The following SERPINE2 variants were observed in gnomAD, a reference collection of about 807,000 sequenced individuals.
SERPINE2 encodes glia-derived nexin.
A neutral mutation model predicts 36.3 loss-of-function variants in SERPINE2; 14 were observed. That is an observed-to-expected ratio of 0.39 (90% CI 0.25 to 0.60). The LOEUF is 0.60. SERPINE2 is among the 20% of genes least tolerant of loss of function. SERPINE2 has a pLI of 0.57. For synonymous variants in SERPINE2, 192 were observed against 191.8 expected, an observed-to-expected ratio of 1.00 and a Z score of -0.01; for missense variants, 418 against 499.6, an observed-to-expected ratio of 0.84 and a Z score of 1.56.
chr2:224,033,281 G>C (rs1210253526), intron 1 of SERPINE2, among the ~76,000 whole-genome samples: 1 of 152,162 alleles, frequency 6.6e-6, no homozygotes, highest in Non-Finnish European at 1.5e-5. Flanking sequence ...AATGCTCTAA[G>C]TGGGAATACA....
At position 223,984,228 on chromosome 2, in the gene SERPINE2, GTTAC is replaced by G. The variant is rs1690340977; in HGVS notation, c.884+520_884+523del. ...CATGAAGATTCATACAGGATTTGGG[GTTAC>G]TTTTCCCATGGCTTCAAGTCATAAC... On this transcript the variant is annotated intron_variant, in intron 5 of 8. Transcript: ENST00000409304. Among the ~76,000 whole-genome samples, 3 of 152,260 alleles carry G rather than the reference GTTAC, an allele frequency of 2.0e-5. No homozygotes were observed. In the South Asian group the frequency reaches 6.2e-4, roughly 32 times the overall value.
chr2:224,009,240 C>T (rs922184643), intron 1 of SERPINE2, among the ~76,000 whole-genome samples: 2 of 152,124 alleles, frequency 1.3e-5, no homozygotes, highest in African/African-American at 4.8e-5. Flanking sequence ...GGGAAAGTCT[C>T]GCCATCCTTC....
chr2:223,989,163 TAATAG>T (rs1217983566), intron 4 of SERPINE2, among the ~76,000 whole-genome samples: 1 of 152,224 alleles, frequency 6.6e-6, no homozygotes, highest in African/African-American at 2.4e-5. Context: ...CTCTTTTTCT[TAATAG>T]AAAAGTTTCT....
chr2:224,038,701 G>T, intron 1 of SERPINE2: 2 of 614,494 alleles, frequency 3.3e-6, no homozygotes, highest in South Asian at 2.0e-5. Flanking sequence ...CGGGGTAGGG[G>T]TTGCCGGCGA....
intron 4 of SERPINE2, among the ~76,000 whole-genome samples, chr2:223,989,630 C>T (rs988524079): frequency 2.0e-5 from 3 of 152,312 alleles, no homozygotes; most frequent in Admixed American, 6.5e-5. Flanking sequence ...GAACTTATGA[C>T]ACTCTCATGC....
intron 1 of SERPINE2, among the ~76,000 whole-genome samples, chr2:224,005,056 TTATATATATTA>T (rs1382140897): frequency 1.0e-4 from 1 of 9,726 alleles, no homozygotes; most frequent in East Asian, 1.4e-3. Context: ...TTTATATATT[TTATATATATTA>T]TATATATATA....
intron 4 of SERPINE2, among the ~76,000 whole-genome samples, chr2:223,985,643 C>T (rs184022974): frequency 7.2e-5 from 11 of 152,264 alleles, no homozygotes; most frequent in Admixed American, 3.3e-4. Flanking sequence ...CAGCACCTCA[C>T]GGGGTAGGCG....
intron 1 of SERPINE2, among the ~76,000 whole-genome samples, chr2:224,010,959 A>G (rs927714362): frequency 1.3e-5 from 2 of 152,202 alleles, no homozygotes; most frequent in African/African-American, 4.8e-5. Context: ...TAGACTATTT[A>G]AGACTCAGAA....
intron 4 of SERPINE2, among the ~76,000 whole-genome samples, chr2:223,985,637 A>G (rs2106141420): frequency 6.6e-6 from 1 of 152,292 alleles, no homozygotes; most frequent in South Asian, 2.1e-4. Flanking sequence ...GATCTACAGC[A>G]CCTCACGGGG....
chr2:223,980,542 T>C, intron 6 of SERPINE2, 145 bp from the exon 7 acceptor site: 1 of 649,500 alleles, frequency 1.5e-6, no homozygotes, highest in Non-Finnish European at 2.7e-6. Flanking sequence ...GTCCTGGTGT[T>C]GAAGGCTGCA....
At chr2:223,983,204 T>C (rs1177513698) in intron 5 of SERPINE2, among the ~76,000 whole-genome samples, 1 of 152,242 alleles carries the variant, frequency 6.6e-6, no homozygotes, top group Non-Finnish European at 1.5e-5. Flanking sequence ...GCCATCCTTA[T>C]TGGGATTGGA....
At chr2:224,028,138 T>G (rs1039355521) in intron 1 of SERPINE2, among the ~76,000 whole-genome samples, 1 of 152,172 alleles carries the variant, frequency 6.6e-6, no homozygotes, top group Non-Finnish European at 1.5e-5. Context: ...GTCATCAAAC[T>G]GTACCCAGAC....
chr2:224,001,916 G>C lies in SERPINE2; in HGVS notation c.-16C>G. 2 of 1,603,554 alleles carry C rather than the reference G, an allele frequency of 1.2e-6. No individual in the cohort carries two copies. The highest frequency in any genetic ancestry group is 1.7e-6 in the Non-Finnish European group (2 of 1,172,788). On this transcript the variant is annotated 5_prime_UTR_variant, in exon 2 of 9. Transcript: ENST00000409304. ...GCCAGTTCATGGTTCCTTCCACCAA[G>C]GACGACCTGGAAAAGTAAGTTAAAA...
chr2:224,010,509 G>T, intron 1 of SERPINE2: 1 of 237,250 alleles, frequency 4.2e-6, no homozygotes, highest in Non-Finnish European at 6.9e-6. Flanking sequence ...GGAAGGAGGG[G>T]ATTAGAGCTT....
chr2:224,014,645 C>T (rs886325983), intron 1 of SERPINE2, among the ~76,000 whole-genome samples: 16 of 152,164 alleles, frequency 1.1e-4, no homozygotes, highest in Non-Finnish European at 5.9e-5. Context: ...GTCTTGGGTA[C>T]TGCATAAGGA....
chr2:223,982,718 CA>C lies in SERPINE2; in HGVS notation c.947del (p.Met316SerfsTer12), dbSNP rs1303080189. On this transcript the variant is annotated frameshift_variant, in exon 6 of 9. Coordinates refer to ENST00000409304, the MANE Select transcript of SERPINE2 (RefSeq NM_001136528.2). LOFTEE classifies it high-confidence loss of function. ...EPLKVLGITD[M>X]FDSSKANFAK... ...CAAAATTTGCCTTTGATGAATCAAACATGTCAGTAATGCCAAGAACTTTCAG... is the reference window on the plus strand; with the variant it reads ...CAAAATTTGCCTTTGATGAATCAAACTGTCAGTAATGCCAAGAACTTTCAG... 5 of 1,613,744 alleles carry C rather than the reference CA, an allele frequency of 3.1e-6. No individual in the cohort carries two copies. Among genetic ancestry groups the C allele is most frequent in the Non-Finnish European group, 4.2e-6 (5 of 1,179,858 alleles).
At chr2:224,030,259 G>T in intron 1 of SERPINE2, 1 of 981,794 alleles carries the variant, frequency 1.0e-6, no homozygotes, top group Non-Finnish European at 1.2e-6. Flanking sequence ...TGCCCACTGA[G>T]AGTGCAGCAG....
At chr2:223,977,399 T>C in intron 8 of SERPINE2, 145 bp downstream of exon 8, 1 of 634,628 alleles carries the variant, frequency 1.6e-6, no homozygotes, top group South Asian at 1.8e-5. Flanking sequence ...CTCTTTAACA[T>C]GGGTGGTTAT....
intron 8 of SERPINE2, among the ~76,000 whole-genome samples, chr2:223,976,758 G>T (rs999765798): frequency 6.6e-6 from 1 of 152,224 alleles, no homozygotes; most frequent in African/African-American, 2.4e-5. Flanking sequence ...AGCCAAGTTT[G>T]AACCATGACT....
Sources: allele counts gnomAD v4.1 joint callset (sites outside exome capture counted in the v4.1 genomes callset), GRCh38; gene constraint gnomAD v4.1.1; transcripts MANE v1.5; gene names NCBI Gene and HGNC (gene_info 2026-07-23, HGNC 2026-07-21).